Variants in CYP2F1 observed in about 807,000 individuals in gnomAD.
CYP2F1 encodes cytochrome P450 family 2 subfamily F member 1.
Under a neutral mutation model 40.4 loss-of-function variants are expected in CYP2F1, and 33 were observed. That is an observed-to-expected ratio of 0.82 (90% CI 0.62 to 1.09). The LOEUF is 1.09. CYP2F1 is among the 50% of genes least tolerant of loss of function. The pLI is 0.00. For synonymous variants in CYP2F1, 235 were observed against 277.2 expected, an observed-to-expected ratio of 0.85 and a Z score of 1.51; for missense variants, 566 against 655.7, an observed-to-expected ratio of 0.86 and a Z score of 1.49.
rs746165583 is a variant in CYP2F1, at chr19:41,120,403, A to T, written c.391A>T (p.Ile131Phe). Residue 131 changes from isoleucine (I) to phenylalanine (F), a missense_variant, in exon 4 of 10, where the codon ATT becomes TTT. Ile to Phe is a conservative substitution (Grantham distance 21). This residue lies in a region of CYP2F1 where 264 missense variants were observed against 275.7 expected (regional missense o/e 0.96). Transcript: ENST00000331105. The stretch of plus-strand genomic sequence containing the variant: ...GGTCCTGAGACAGTTCTCTATCCAG[A>T]TTCTACGGAATTTCGGGATGGGGAA... The part of the protein sequence containing the change: ...WKVLRQFSIQ[I>F]LRNFGMGKRS... 1.9e-6 allele frequency: 3 copies of T among 1,613,922 alleles called. No individual in the cohort carries two copies. In the African/African-American group the frequency reaches 4.0e-5, roughly 22 times the overall value.
chr19:41,115,433 C>T (rs1403312418), intron 1 of CYP2F1, among the ~76,000 whole-genome samples: 2 of 152,144 alleles, frequency 1.3e-5, no homozygotes, highest in African/African-American at 2.4e-5. Flanking sequence ...CTGTGATGTG[C>T]TCTCTGGCTC....
chr19:41,127,136 T>C (rs305979), intron 9 of CYP2F1, among the ~76,000 whole-genome samples: 6,774 of 152,212 alleles, frequency 0.045, 500 homozygotes, highest in African/African-American at 0.15. Flanking sequence ...TTGCCTTGGG[T>C]ATGTTACTCC....
intron 6 of CYP2F1, among the ~76,000 whole-genome samples, chr19:41,122,549 A>G (rs1393240823): frequency 1.3e-5 from 2 of 151,608 alleles, no homozygotes; most frequent in Non-Finnish European, 2.9e-5. Context: ...TACATACATC[A>G]TACATACATA....
At chr19:41,126,126 T>C (rs1019849813) in intron 9 of CYP2F1, among the ~76,000 whole-genome samples, 24 of 147,872 alleles carry the variant, frequency 1.6e-4, no homozygotes, top group Admixed American at 1.4e-3. Context: ...TCAAAAAAAA[T>C]AATGATAATA....
chr19:41,114,718 T>C (rs1252012170), intron 1 of CYP2F1, among the ~76,000 whole-genome samples: 1 of 151,998 alleles, frequency 6.6e-6, no homozygotes, highest in Non-Finnish European at 1.5e-5. Context: ...CAACACTTGA[T>C]TTTTTCCTGT....
rs1437717035 is a variant in CYP2F1 at position 41,116,553 on chromosome 19, C to T, written c.270C>T (p.Asp90=). 1.2e-6 allele frequency: 2 copies of T among 1,613,944 alleles called. No individual in the cohort carries two copies. Among genetic ancestry groups the T allele is most frequent in the Non-Finnish European group, 1.7e-6 (2 of 1,179,962 alleles). The change falls in exon 3 of 10, where the codon GAC becomes GAT. Residue 90 remains aspartate, a synonymous_variant. Transcript: ENST00000331105. The part of the protein sequence containing the change: ...GYQAVKEALV[D]QGEEFSGRGD... ...AAGCTGTGAAGGAGGCCCTGGTGGACCAGGGAGAGGAGTTTAGTGGCCGCG... is the reference window on the plus strand; with the variant it reads ...AAGCTGTGAAGGAGGCCCTGGTGGATCAGGGAGAGGAGTTTAGTGGCCGCG...
chr19:41,122,558 T>C (rs868111408), intron 6 of CYP2F1, among the ~76,000 whole-genome samples: 9 of 151,558 alleles, frequency 5.9e-5, no homozygotes, highest in African/African-American at 1.9e-4. Context: ...CATACATACA[T>C]ACACACATAC....
intron 1 of CYP2F1, among the ~76,000 whole-genome samples, chr19:41,115,547 A>G (rs1396600420): frequency 1.3e-5 from 2 of 148,334 alleles, no homozygotes; most frequent in East Asian, 4.0e-4. Flanking sequence ...TGATAGATAG[A>G]TAATAGACAG....
chr19:41,122,805 C>A lies in CYP2F1; in HGVS notation c.823-17C>A, dbSNP rs751660065. 1 of 1,522,990 alleles carries A rather than the reference C, an allele frequency of 6.6e-7. No individual in the cohort carries two copies. Among genetic ancestry groups the A allele is most frequent in the South Asian group, 1.3e-5 (1 of 75,520 alleles). 94.3% of individuals were successfully genotyped at this position (1,522,990 alleles called of 1,614,324 possible). A position where few individuals can be genotyped will look rare whatever the true frequency, so the allele number is the denominator to read the frequency against. ...CCTCCATTCCTGGCTCACATCCCCACCCCTCTACCAATGCAGGAGAAGGAG... is the reference window on the plus strand; with the variant it reads ...CCTCCATTCCTGGCTCACATCCCCAACCCTCTACCAATGCAGGAGAAGGAG... On this transcript the variant is annotated splice_polypyrimidine_tract_variant and intron_variant, in intron 6 of 9. Coordinates refer to ENST00000331105, the MANE Select transcript of CYP2F1 (RefSeq NM_000774.5).
chr19:41,128,075 C>T lies in CYP2F1; in HGVS notation c.1469C>T (p.Pro490Leu), dbSNP rs7246981. Reference protein sequence around the residue: ...LPRPFQLCLRPR With the variant: ...LPRPFQLCLRLR ...CGGCCTTTCCAGCTGTGCCTGCGCC[C>T]GCGCTAACGCCCCGGCCCTTCCAGA... Residue 490 changes from proline (P) to leucine (L), a missense_variant, in exon 10 of 10, where the codon CCG (proline) becomes CTG (leucine). Pro to Leu is a moderately conservative substitution (Grantham distance 98). Coordinates refer to ENST00000331105, the MANE Select transcript of CYP2F1 (RefSeq NM_000774.5). 0.072 allele frequency: 115,605 copies of T among 1,602,414 alleles called. 5,344 individuals are homozygous for T. Among genetic ancestry groups the T allele is most frequent in the Admixed American group, 0.17 (9,979 of 59,636 alleles).
In CYP2F1 at chr19:41,119,748, T is replaced by TATATATATACAC. The variant is rs1337166345; in HGVS notation, c.335-598_335-597insTATATATACACA. Among the ~76,000 whole-genome samples, 219 of 36,004 alleles carry TATATATATACAC rather than the reference T, an allele frequency of 6.1e-3. 3 individuals are homozygous for TATATATATACAC. The highest frequency in any genetic ancestry group is 8.7e-3 in the Non-Finnish European group (179 of 20,516). The allele number at this position is 36,004 out of a possible 152,430, so 23.6% of individuals were successfully genotyped here. ...CTATATATATATATATATATATATATACACACACACACACACACACACACA... is the reference window on the plus strand; with the variant it reads ...CTATATATATATATATATATATATATATATATATACACACACACACACACACACACACACACA... On this transcript the variant is annotated intron_variant, in intron 3 of 9. Transcript: ENST00000331105.
chr19:41,122,795 C>A, intron 6 of CYP2F1, 27 bp from the exon 7 acceptor site: 1 of 1,514,232 alleles, frequency 6.6e-7, no homozygotes, highest in South Asian at 1.4e-5. Context: ...ATTCCTGGCT[C>A]ACATCCCCAC....
Position 41,116,227 on chromosome 19 carries a change from G to C in CYP2F1, c.39G>C (p.Leu13=), listed in dbSNP as rs1336035785. 6.2e-7 allele frequency: 1 copy of C among 1,613,948 alleles called. No individual in the cohort carries two copies. Among genetic ancestry groups the C allele is most frequent in the Non-Finnish European group, 8.5e-7 (1 of 1,179,954 alleles). ...SISTAILLLL[L]ALVCLLLTLS... Reference sequence around the variant, plus strand: ...GCACAGCCATCTTACTCCTGCTCCTGGCTCTCGTCTGTCTGCTCCTGACCC... The same window carrying C: ...GCACAGCCATCTTACTCCTGCTCCTCGCTCTCGTCTGTCTGCTCCTGACCC... The change falls in exon 2 of 10, where the codon CTG becomes CTC. Residue 13 remains leucine (L), a synonymous_variant. Coordinates refer to ENST00000331105, the MANE Select transcript of CYP2F1 (RefSeq NM_000774.5).
chr19:41,124,792 G>A lies in CYP2F1; in HGVS notation c.1038G>A (p.Met346Ile), dbSNP rs762483034. The change falls in exon 8 of 10, where the codon ATG (methionine) becomes ATA (isoleucine). Residue 346 changes from methionine (M) to isoleucine (I), a missense_variant. Physicochemically the swap from Met to Ile is conservative, Grantham distance 10. This residue lies in a region of CYP2F1 where 128 missense variants were observed against 121.0 expected (regional missense o/e 1.06). Coordinates refer to ENST00000331105, the MANE Select transcript of CYP2F1 (RefSeq NM_000774.5). ...CGGCGCTGAAGGACCGCGCGGCCATGCCTTACACAGACGCGGTGATCCACG... is the reference window on the plus strand; with the variant it reads ...CGGCGCTGAAGGACCGCGCGGCCATACCTTACACAGACGCGGTGATCCACG... ...RLPALKDRAAMPYTDAVIHEV... is the reference protein window; with the variant it reads ...RLPALKDRAAIPYTDAVIHEV... 1.2e-6 allele frequency: 2 copies of A among 1,611,092 alleles called. No individual in the cohort carries two copies. Among genetic ancestry groups the A allele is most frequent in the Non-Finnish European group, 1.7e-6 (2 of 1,179,786 alleles).
At position 41,127,826 on chromosome 19, in the gene CYP2F1, C is replaced by T. The variant is rs1465716000; in HGVS notation, c.1295-75C>T. Reference sequence around the variant, plus strand: ...CTGTCTTCCTTTCCTCTTATGTTTTCCTCTGGGAATGTGGGGTTGCAGCCT... The same window carrying T: ...CTGTCTTCCTTTCCTCTTATGTTTTTCTCTGGGAATGTGGGGTTGCAGCCT... On this transcript the variant is annotated intron_variant, in intron 9 of 9. Transcript: ENST00000331105. 57 of 1,135,016 alleles carry T rather than the reference C, an allele frequency of 5.0e-5. 1 individual carries two copies. The highest frequency in any genetic ancestry group is 6.3e-5 in the Non-Finnish European group (50 of 790,710). 70.3% of individuals were successfully genotyped at this position (1,135,016 alleles called of 1,614,324 possible). A position where few individuals can be genotyped will look rare whatever the true frequency, so the allele number is the denominator to read the frequency against.
chr19:41,127,294 G>A (rs1285838565), intron 9 of CYP2F1, among the ~76,000 whole-genome samples: 1 of 152,162 alleles, frequency 6.6e-6, no homozygotes, highest in Non-Finnish European at 1.5e-5. Context: ...CTTTCCCTGT[G>A]TTTACCATTC....
chr19:41,118,339 TTGGAAAGGGGATCC>T (rs2031944799), intron 3 of CYP2F1, among the ~76,000 whole-genome samples: 1 of 152,038 alleles, frequency 6.6e-6, no homozygotes, highest in Admixed American at 6.6e-5. Flanking sequence ...GCCATCATGA[TTGGAAAGGGGATCC>T]TGGAGACCTG....
rs1004292236 is a variant in CYP2F1 at position 41,116,629 on chromosome 19, C to T, written c.334+12C>T. On this transcript the variant is annotated intron_variant, in intron 3 of 9. Coordinates refer to ENST00000331105, the MANE Select transcript of CYP2F1 (RefSeq NM_000774.5). Reference sequence around the variant, plus strand: ...TACCAAGGGCAATGGTAAGCCTCGTCCTTGTCTCCTCCGCTCTCGGCCTTT... The same window carrying T: ...TACCAAGGGCAATGGTAAGCCTCGTTCTTGTCTCCTCCGCTCTCGGCCTTT... 3.1e-6 allele frequency: 5 copies of T among 1,613,204 alleles called. No individual in the cohort carries two copies. The highest frequency in any genetic ancestry group is 1.7e-5 in the Admixed American group (1 of 59,760).
In CYP2F1 at chr19:41,116,465, AG is replaced by A; in HGVS notation, c.183del (p.Glu61AspfsTer24). 6.2e-7 allele frequency: 1 copy of A among 1,611,344 alleles called. No homozygotes were observed. Among genetic ancestry groups the A allele is most frequent in the African/African-American group, 1.3e-5 (1 of 74,878 alleles). Reference protein sequence around the residue: ...MLTSLTKLSKEYGSMYTVHLG... With the variant: ...MLTSLTKLSKXYGSMYTVHLG... ...TCTTCCTACCCTCAGCTGAGCAAGG[AG>A]TATGGCTCCATGTACACAGTGCACC... On this transcript the variant is annotated frameshift_variant, in exon 3 of 10. Coordinates refer to ENST00000331105, the MANE Select transcript of CYP2F1 (RefSeq NM_000774.5). LOFTEE classifies it high-confidence loss of function.
Sources: gnomAD v4.1 joint callset for allele counts (sites outside exome capture counted in the v4.1 genomes callset) on GRCh38, gnomAD v4.1.1 for gene constraint, gnomAD v4.1.1 regional missense constraint, MANE v1.5 for transcripts, NCBI Gene and HGNC (gene_info 2026-07-23, HGNC 2026-07-21) for gene names.